Variants in GALNT13 observed in about 807,000 individuals in gnomAD.
GALNT13 encodes polypeptide N-acetylgalactosaminyltransferase 13.
In GALNT13, 28 loss-of-function variants were observed where a neutral mutation model predicts 64.2. That is an observed-to-expected ratio of 0.44 (90% CI 0.32 to 0.60). GALNT13 has a LOEUF of 0.60. Ranked by LOEUF, GALNT13 falls within the 20% of genes least tolerant of loss-of-function variation. The pLI is 0.05. For missense variants in GALNT13, 577 were observed against 669.8 expected (o/e 0.86, Z 1.53); for synonymous variants, 214 against 224.6 (o/e 0.95, Z 0.42).
the GALNT13 span, among the ~76,000 whole-genome samples, chr2:153,293,659 G>C: frequency 6.6e-6 from 1 of 152,150 alleles, no homozygotes; most frequent in South Asian, 2.1e-4. Flanking sequence ...CATCATTGTA[G>C]CAATAGGAAA....
At chr2:154,399,430 A>G (rs868809837) in intron 10 of GALNT13, among the ~76,000 whole-genome samples, 35 of 152,148 alleles carry the variant, frequency 2.3e-4, no homozygotes, top group African/African-American at 8.0e-4. Context: ...GGCTTCTAGG[A>G]TGGCATGTTG....
upstream of GALNT13, among the ~76,000 whole-genome samples, chr2:153,870,567 T>A (rs527452882): frequency 4.4e-4 from 67 of 152,002 alleles, no homozygotes; most frequent in Non-Finnish European, 7.8e-4. Context: ...CAGAAGCATC[T>A]CTGGTAAATG....
chr2:154,434,717 A>AT (rs1700867797), intron 11 of GALNT13, among the ~76,000 whole-genome samples: 1 of 152,158 alleles, frequency 6.6e-6, no homozygotes, highest in African/African-American at 2.4e-5. Flanking sequence ...TAGATAGCTC[A>AT]TAATTTTACA....
At chr2:154,043,453 T>C (rs4119058) in intron 3 of GALNT13, among the ~76,000 whole-genome samples, 41,346 of 93,682 alleles carry the variant, frequency 0.44, 8,780 homozygotes, top group East Asian at 0.56. Flanking sequence ...TATATATATA[T>C]ATACACACAT....
chr2:154,417,517 A>ATTTTTTTTTTTTTTTTT (rs775341273), intron 11 of GALNT13, among the ~76,000 whole-genome samples: 2 of 127,038 alleles, frequency 1.6e-5, no homozygotes, highest in African/African-American at 3.2e-5. Flanking sequence ...TTATTTATTT[A>ATTTTTTTTTTTTTTTTT]TTTATTTTTT....
At chr2:153,501,516 G>A in the GALNT13 span, among the ~76,000 whole-genome samples, 3 of 151,970 alleles carry the variant, frequency 2.0e-5, no homozygotes, top group African/African-American at 7.3e-5. Flanking sequence ...ATTTTTGGTA[G>A]AGACAAGGTT....
intron 2 of GALNT13, among the ~76,000 whole-genome samples, chr2:153,925,368 C>T (rs187841831): frequency 8.6e-4 from 131 of 151,834 alleles, no homozygotes; most frequent in Middle Eastern, 6.9e-3. Flanking sequence ...GTTGTAGGTG[C>T]GCAGTCTTAT....
the GALNT13 span, among the ~76,000 whole-genome samples, chr2:153,182,395 A>G: frequency 6.6e-6 from 1 of 152,210 alleles, no homozygotes. Flanking sequence ...CACTTTAGAA[A>G]TAATATAAAT....
At chr2:154,112,142 G>A (rs970511066) in intron 3 of GALNT13, among the ~76,000 whole-genome samples, 11 of 152,160 alleles carry the variant, frequency 7.2e-5, no homozygotes, top group African/African-American at 1.9e-4. Flanking sequence ...CCACCACCAG[G>A]TAGCTGGCTG....
At chr2:154,341,649 C>T (rs538027597) in intron 9 of GALNT13, among the ~76,000 whole-genome samples, 1 of 152,038 alleles carries the variant, frequency 6.6e-6, no homozygotes, top group Non-Finnish European at 1.5e-5. Context: ...GCACATAGGC[C>T]ACTAACATAG....
the GALNT13 span, among the ~76,000 whole-genome samples, chr2:153,674,062 A>G: frequency 1.3e-5 from 2 of 152,248 alleles, no homozygotes; most frequent in African/African-American, 4.8e-5. Flanking sequence ...GGGCACAAAC[A>G]AATGGAAGAA....
At chr2:153,468,014 C>T in the GALNT13 span, among the ~76,000 whole-genome samples, 1,296 of 151,672 alleles carry the variant, frequency 8.5e-3, 10 homozygotes, top group Non-Finnish European at 0.016. Flanking sequence ...TTCAATGAAA[C>T]GCAGGAGTAT....
At chr2:154,293,854 A>G (rs1353219101) in intron 8 of GALNT13, among the ~76,000 whole-genome samples, 2 of 152,062 alleles carry the variant, frequency 1.3e-5, no homozygotes, top group Admixed American at 6.6e-5. Flanking sequence ...TATTTTTTTC[A>G]CATTACCGTG....
At chr2:153,720,841 T>C in the GALNT13 span, among the ~76,000 whole-genome samples, 1 of 150,448 alleles carries the variant, frequency 6.6e-6, no homozygotes, top group African/African-American at 2.4e-5. Context: ...CTGACTGGTG[T>C]ACCTGAAAGT....
At chr2:153,380,155 T>C in the GALNT13 span, among the ~76,000 whole-genome samples, 2 of 152,124 alleles carry the variant, frequency 1.3e-5, no homozygotes, top group African/African-American at 4.8e-5. Context: ...AACCAATCAT[T>C]GATTGAAAAT....
At chr2:153,896,564 C>A (rs993633155) in intron 1 of GALNT13, among the ~76,000 whole-genome samples, 5 of 151,600 alleles carry the variant, frequency 3.3e-5, no homozygotes, top group African/African-American at 1.2e-4. Context: ...ATTTTTTAAC[C>A]TTTACTTTTT....
intron 2 of GALNT13, among the ~76,000 whole-genome samples, chr2:153,931,901 C>T (rs534991215): frequency 6.6e-6 from 1 of 152,200 alleles, no homozygotes; most frequent in East Asian, 1.9e-4. Context: ...GGATTTCTTC[C>T]TCCTCAATTT....
intron 9 of GALNT13, among the ~76,000 whole-genome samples, chr2:154,313,425 T>G (rs1258446721): frequency 2.1e-3 from 30 of 14,338 alleles, no homozygotes; most frequent in African/African-American, 3.9e-3. Context: ...GAGATATATA[T>G]ATATATATAT....
At chr2:153,721,620 A>G in the GALNT13 span, among the ~76,000 whole-genome samples, 1 of 150,128 alleles carries the variant, frequency 6.7e-6, no homozygotes, top group African/African-American at 2.5e-5. Flanking sequence ...AGGAAGATCT[A>G]CCAAGCCAAT....
Sources: gnomAD v4.1 joint callset for allele counts (sites outside exome capture counted in the v4.1 genomes callset) on GRCh38, gnomAD v4.1.1 for gene constraint, MANE v1.5 for transcripts, NCBI Gene and HGNC (gene_info 2026-07-23, HGNC 2026-07-21) for gene names.